TTN: variants seen among roughly 807,000 people sequenced by gnomAD.
TTN encodes the protein titin, also known as connectin.
A neutral mutation model predicts 3,223.0 loss-of-function variants in TTN; 1,525 were observed. That is an observed-to-expected ratio of 0.47 (90% CI 0.45 to 0.49). TTN has a LOEUF of 0.49. TTN is among the 20% of genes least tolerant of loss of function. TTN has a pLI of 0.00. For missense variants in TTN, 40,786 were observed against 43,424.0 expected, an observed-to-expected ratio of 0.94 and a Z score of 5.40; for synonymous variants, 14,094 against 15,161.0, an observed-to-expected ratio of 0.93 and a Z score of 5.17.
chr2:178,650,157 T>C lies in TTN; in HGVS notation c.39817+7A>G. 6.4e-7 allele frequency: 1 copy of C among 1,570,058 alleles called. No homozygotes were observed. Among genetic ancestry groups the C allele is most frequent in the Non-Finnish European group, 8.6e-7 (1 of 1,156,180 alleles). ...TATTTTCCCATACAGTGGATTCTGC[T>C]TTGTACCTGCTGGAGGTGGAACCTC... On this transcript the variant is annotated splice_region_variant and intron_variant, in intron 210 of 362. Transcript: ENST00000589042.
At chr2:178,650,375 C>T in intron 209 of TTN, 104 bp from the exon 210 acceptor site, 2 of 1,056,588 alleles carry the variant, frequency 1.9e-6, no homozygotes, top group Non-Finnish European at 2.7e-6. Context: ...TCCTTTGTTT[C>T]AATTGATACC....
intron 127 of TTN, 68 bp downstream of exon 127, chr2:178,688,043 A>C: frequency 7.6e-7 from 1 of 1,318,246 alleles, no homozygotes; most frequent in Non-Finnish European, 1.1e-6. Flanking sequence ...ATTGGTCTGT[A>C]GACAATTTGT....
intron 43 of TTN, among the ~76,000 whole-genome samples, chr2:178,762,995 T>A (rs75944774): frequency 0.012 from 1,846 of 152,326 alleles, 40 homozygotes; most frequent in African/African-American, 0.041. Flanking sequence ...ACTGAAGTAC[T>A]AACCTGTTGA....
chr2:178,660,588 T>A (rs2064508420), intron 180 of TTN, among the ~76,000 whole-genome samples: 1 of 144,804 alleles, frequency 6.9e-6, no homozygotes, highest in Non-Finnish European at 1.5e-5. Flanking sequence ...GAAGAAAACC[T>A]AGGCAATACC....
intron 83 of TTN, 40 bp downstream of exon 83, chr2:178,719,124 A>G (rs776911143): frequency 7.0e-6 from 11 of 1,576,636 alleles, no homozygotes; most frequent in South Asian, 1.2e-5. Flanking sequence ...CACATGAAAG[A>G]GGTGTTAGAG....
chr2:178,591,848 T>G lies in TTN; in HGVS notation c.59971A>C (p.Lys19991Gln). The G allele has an allele frequency of 6.2e-7, 1 of 1,613,306 alleles. No individual in the cohort carries two copies. Among genetic ancestry groups the G allele is most frequent in the Non-Finnish European group, 8.5e-7 (1 of 1,179,574 alleles). Residue 19991 changes from lysine to glutamine, a missense_variant, in exon 303 of 363, where the codon AAG becomes CAG. Transcript: ENST00000589042. ...PKDLHHVDVD[K>Q]TEVSLVWNKP... is the part of the protein sequence containing the mutation. ...TTCCAGACTAGGGAGACTTCAGTCTTGTCAACATCTACATGGTGCAGGTCC... is the reference window on the plus strand; with the variant it reads ...TTCCAGACTAGGGAGACTTCAGTCTGGTCAACATCTACATGGTGCAGGTCC...
At position 178,564,376 on chromosome 2, in the gene TTN, T is replaced by C; in HGVS notation, c.81756A>G (p.Gly27252=). Residue 27252 remains glycine, a synonymous_variant, in exon 326 of 363, where the codon GGA becomes GGG. Coordinates refer to ENST00000589042, the MANE Select transcript of TTN (RefSeq NM_001267550.2). The stretch of plus-strand genomic sequence containing the variant: ...TACTATCAGATGGTTCACTAAAGTT[T>C]CCAGCTGCATTTCTTGCAATTACTC... ...EFRVIARNAA[G]NFSEPSDSSG... 1 of 1,613,692 alleles carries C rather than the reference T, an allele frequency of 6.2e-7. No individual in the cohort carries two copies. Among genetic ancestry groups the C allele is most frequent in the Non-Finnish European group, 8.5e-7 (1 of 1,179,754 alleles).
chr2:178,722,849 T>C lies in TTN; in HGVS notation c.22050A>G (p.Pro7350=), dbSNP rs1212304684. The stretch of plus-strand genomic sequence containing the variant: ...CTTTGTACCAAGACACTGTAATTTC[T>C]GGTGTCCCAGCAACTTGGCATTGTA... The part of the protein sequence containing the change: ...VSLQCQVAGT[P]EITVSWYKGD... Residue 7350 remains proline, a synonymous_variant, in exon 76 of 363, where the codon CCA becomes CCG. Transcript: ENST00000589042. The C allele has an allele frequency of 6.2e-7, 1 of 1,613,288 alleles. No homozygotes were observed. Among genetic ancestry groups the C allele is most frequent in the Non-Finnish European group, 8.5e-7 (1 of 1,179,516 alleles).
chr2:178,575,178 T>A lies in TTN; in HGVS notation c.70954A>T (p.Lys23652Ter). 1 of 1,612,754 alleles carries A rather than the reference T, an allele frequency of 6.2e-7. No individual in the cohort carries two copies. The highest frequency in any genetic ancestry group is 1.1e-5 in the South Asian group (1 of 90,946). Residue 23652 changes from lysine (K) to a stop codon, truncating the protein, a stop_gained, in exon 326 of 363, where the codon AAA becomes TAA. Coordinates refer to ENST00000589042, the MANE Select transcript of TTN (RefSeq NM_001267550.2). LOFTEE classifies it high-confidence loss of function. This position sits in a 1 kb window ranked among gnomAD's most constrained non-coding sequence, Gnocchi z 4.0. ...CGACCGAGCACTGGAATTTCAACTT[T>A]GATGTTGTCACCAGCTTTGGCAATG... Reference protein sequence around the residue: ...LVIAKAGDNIKVEIPVLGRPK... With the variant: ...LVIAKAGDNI
At chr2:178,746,749 A>G in intron 47 of TTN, 2 of 1,613,396 alleles carry the variant, frequency 1.2e-6, no homozygotes, top group Non-Finnish European at 1.7e-6. Flanking sequence ...ATTTATTTCG[A>G]TACCATTTCA....
At chr2:178,671,886 C>T (rs1347106448) in intron 155 of TTN, 85 bp downstream of exon 155, 2 of 1,457,342 alleles carry the variant, frequency 1.4e-6, no homozygotes, top group Non-Finnish European at 1.9e-6. Context: ...GGTTTCTAAT[C>T]TTCCAAACTG....
In TTN at chr2:178,722,651, A is replaced by C. The variant is rs2078609208; in HGVS notation, c.22240+8T>G. On this transcript the variant is annotated splice_region_variant and intron_variant, in intron 76 of 362. Transcript: ENST00000589042. ...AAAGAATTTTTTTAATTTGTAAAAT[A>C]TCATCACCTTGAATTCTGAACACAG... 2.5e-6 allele frequency: 4 copies of C among 1,597,008 alleles called. No homozygotes were observed. The highest frequency in any genetic ancestry group is 3.4e-6 in the Non-Finnish European group (4 of 1,172,822).
chr2:178,527,388 T>C, intron 362 of TTN, 58 bp downstream of exon 362: 1 of 1,585,400 alleles, frequency 6.3e-7, no homozygotes, highest in Non-Finnish European at 8.6e-7. Flanking sequence ...TTGTGTGTAC[T>C]AAAGACTACA....
intron 41 of TTN, 130 bp downstream of exon 41, chr2:178,766,251 T>C (rs2090388009): frequency 1.3e-6 from 1 of 754,468 alleles, no homozygotes; most frequent in Non-Finnish European, 2.3e-6. Context: ...TGAAAAAAAA[T>C]GTAGCTGGAA....
At position 178,544,231 on chromosome 2, in the gene TTN, T is replaced by G; in HGVS notation, c.95998A>C (p.Ile32000Leu). The stretch of plus-strand genomic sequence containing the variant: ...CTTTCCACGGGCTCAATTTCAGCAA[T>G]TGATTCGCTGTATTCGCTCATACCC... ...VKGMSEYSES[I>L]AEIEPVERIE... The change falls in exon 345 of 363, where the codon ATT (isoleucine) becomes CTT (leucine). Residue 32000 changes from isoleucine (I) to leucine (L), a missense_variant. Coordinates refer to ENST00000589042, the MANE Select transcript of TTN (RefSeq NM_001267550.2). 1 of 1,613,478 alleles carries G rather than the reference T, an allele frequency of 6.2e-7. No individual in the cohort carries two copies.
Position 178,554,078 on chromosome 2 carries a change from A to G in TTN, c.89033T>C (p.Leu29678Pro). Residue 29678 changes from leucine to proline, a missense_variant, in exon 333 of 363, where the codon CTA becomes CCA. Coordinates refer to ENST00000589042, the MANE Select transcript of TTN (RefSeq NM_001267550.2). ...YFLEKRDKKS[L>P]GWFKVLKETI... ...CTCTTTTAGTACTTTAAACCATCCTAGGCTCTTCTTGTCTCGTTTTTCAAG... is the reference window on the plus strand; with the variant it reads ...CTCTTTTAGTACTTTAAACCATCCTGGGCTCTTCTTGTCTCGTTTTTCAAG... The G allele has an allele frequency of 6.2e-7, 1 of 1,613,842 alleles. No individual in the cohort carries two copies. Among genetic ancestry groups the G allele is most frequent in the Non-Finnish European group, 8.5e-7 (1 of 1,179,800 alleles).
chr2:178,529,440 G>T (rs180829981), intron 359 of TTN: 26 of 387,118 alleles, frequency 6.7e-5, no homozygotes, highest in African/African-American at 3.5e-4. Context: ...AGCCAAAGAT[G>T]ATTCATATGA....
rs752768925 is a variant in TTN, at chr2:178,591,102, A to G, written c.60623T>C (p.Ile20208Thr). ...DDGGSPVINY[I>T]VEKQDTRKDT... ...TTTCCTTGTATCTTGTTTCTCAACA[A>G]TATAATTTATCACAGGGCTTCCTCC... The change falls in exon 304 of 363, where the codon ATT (isoleucine) becomes ACT (threonine). Residue 20208 changes from isoleucine (I) to threonine (T), a missense_variant. Physicochemically the swap from Ile to Thr is moderately conservative, Grantham distance 89. Coordinates refer to ENST00000589042, the MANE Select transcript of TTN (RefSeq NM_001267550.2). 3.9e-5 allele frequency: 63 copies of G among 1,613,164 alleles called. No homozygotes were observed. Among genetic ancestry groups the G allele is most frequent in the Non-Finnish European group, 5.2e-5 (61 of 1,179,540 alleles).
chr2:178,747,534 G>C (rs1224577715), intron 47 of TTN: 1 of 1,613,246 alleles, frequency 6.2e-7, no homozygotes, highest in Non-Finnish European at 8.5e-7. Flanking sequence ...AGTGATTCCT[G>C]TTTCTGGTTG....
Sources: allele counts gnomAD v4.1 joint callset (sites outside exome capture counted in the v4.1 genomes callset), GRCh38; gene constraint gnomAD v4.1.1; non-coding constraint Gnocchi (gnomAD v3.1); transcripts MANE v1.5; gene names NCBI Gene and HGNC (gene_info 2026-07-23, HGNC 2026-07-21).